HIPK1: variants seen among roughly 807,000 people sequenced by gnomAD.
HIPK1 encodes homeodomain-interacting protein kinase 1.
In HIPK1, 28 loss-of-function variants were observed where a neutral mutation model predicts 117.1. The ratio of observed to expected loss-of-function variants is 0.24; its 90% CI spans 0.18 to 0.33. HIPK1 has a LOEUF of 0.33. HIPK1 is among the 10% of genes least tolerant of loss of function. The probability of loss-of-function intolerance (pLI) is 1.00; values close to 1 mark genes in which losing one functional copy is unlikely to be tolerated. For synonymous variants in HIPK1, 605 were observed against 562.5 expected (o/e 1.08, Z -1.07); for missense variants, 1,122 against 1,475.1 (o/e 0.76, Z 3.92).
chr1:113,930,019 C>G, intron 1 of HIPK1: 1 of 985,096 alleles, frequency 1.0e-6, no homozygotes, highest in Non-Finnish European at 1.2e-6. Context: ...GGGCCGGCCG[C>G]CGGCTCTCCT....
rs1672986558 is a variant in HIPK1, at chr1:113,973,540, T to C, written c.*28T>C. 4 of 1,549,120 alleles carry C rather than the reference T, an allele frequency of 2.6e-6. No individual in the cohort carries two copies. Among genetic ancestry groups the C allele is most frequent in the East Asian group, 2.3e-5 (1 of 44,246 alleles). ...GGTGAGCATGAGGGAGGAGGAATCA[T>C]GGCTACCTTCTCCTGGCCCTGCGTT... On this transcript the variant is annotated 3_prime_UTR_variant, in exon 16 of 16. Transcript: ENST00000426820.
chr1:113,958,334 C>T, intron 8 of HIPK1, 43 bp downstream of exon 8: 1 of 1,363,336 alleles, frequency 7.3e-7, no homozygotes, highest in Non-Finnish European at 1.0e-6. Context: ...TGTATCAGAC[C>T]TACCTGCTTT....
In HIPK1 at chr1:113,966,118, G is replaced by T; in HGVS notation, c.2239-12G>T. The T allele has an allele frequency of 6.2e-7, 1 of 1,609,456 alleles. No homozygotes were observed. The highest frequency in any genetic ancestry group is 8.5e-7 in the Non-Finnish European group (1 of 1,178,400). On this transcript the variant is annotated splice_polypyrimidine_tract_variant and intron_variant, in intron 10 of 15. Transcript: ENST00000426820. ...TCAAGTCTGGATGTTTTTTATGTGT[G>T]TTTCCTTACAGCAGGCGTGGCCTGG...
At chr1:113,930,800 G>C (rs1433104849) in intron 1 of HIPK1, 1 of 152,270 alleles carries the variant, frequency 6.6e-6, no homozygotes, top group Non-Finnish European at 1.5e-5. Flanking sequence ...TACTTGGGGA[G>C]GGGGGTTCAG....
At chr1:113,932,417 G>A (rs956281768) in intron 1 of HIPK1, among the ~76,000 whole-genome samples, 4 of 142,054 alleles carry the variant, frequency 2.8e-5, no homozygotes, top group Non-Finnish European at 6.0e-5. Flanking sequence ...TCGCCCTGTC[G>A]CCCAGGTCGG....
chr1:113,945,528 C>T (rs1207168094), intron 2 of HIPK1, among the ~76,000 whole-genome samples: 1 of 152,144 alleles, frequency 6.6e-6, no homozygotes, highest in Non-Finnish European at 1.5e-5. Flanking sequence ...GGTACAAATC[C>T]AGTGTAATTC....
At chr1:113,938,927 A>ATACACACACACACAC (rs60152674) in intron 1 of HIPK1, among the ~76,000 whole-genome samples, 7 of 118,420 alleles carry the variant, frequency 5.9e-5, no homozygotes, top group Admixed American at 4.7e-4. Flanking sequence ...AAAAAAAAAA[A>ATACACACACACACAC]ATACACACAC....
In HIPK1 at chr1:113,973,105, CCT is replaced by C; in HGVS notation, c.3232_3233del (p.Ser1078ProfsTer72). The stretch of plus-strand genomic sequence containing the variant: ...CCGCAGGCAGCAGGCGTTTGTGGCC[CCT>C]CTCTCCCAAGCCCCCTACACCTTCC... ...APRRQQAFVAPLSQAPYTFQH... is the reference protein window; with the variant it reads ...APRRQQAFVAXLSQAPYTFQH... On this transcript the variant is annotated frameshift_variant, in exon 16 of 16. Coordinates refer to ENST00000426820, the MANE Select transcript of HIPK1 (RefSeq NM_198268.3). LOFTEE classifies it high-confidence loss of function. The C allele has an allele frequency of 6.4e-7, 1 of 1,553,798 alleles. No homozygotes were observed. Among genetic ancestry groups the C allele is most frequent in the South Asian group, 1.2e-5 (1 of 80,806 alleles).
intron 13 of HIPK1, among the ~76,000 whole-genome samples, chr1:113,969,080 G>A (rs939663694): frequency 6.6e-6 from 1 of 152,068 alleles, no homozygotes; most frequent in Non-Finnish European, 1.5e-5. Context: ...CATAGCCTTC[G>A]ATGGGGCTTT....
rs906629759 is a variant in HIPK1 at position 113,941,687 on chromosome 1, A to G, written c.1076+228A>G. Among the ~76,000 whole-genome samples the G allele has an allele frequency of 1.3e-5, 2 of 152,276 alleles. No homozygotes were observed. Among genetic ancestry groups the G allele is most frequent in the South Asian group, 2.1e-4 (1 of 4,818 alleles). ...ACTCAGTCTGATTCTGAAAGTTGTTACTAGTTGAATTATACTAGCACCTGG... is the reference window on the plus strand; with the variant it reads ...ACTCAGTCTGATTCTGAAAGTTGTTGCTAGTTGAATTATACTAGCACCTGG... On this transcript the variant is annotated intron_variant, in intron 2 of 15. Transcript: ENST00000426820. This position sits in a 1 kb window ranked among gnomAD's most constrained non-coding sequence, Gnocchi z 4.9.
intron 8 of HIPK1, among the ~76,000 whole-genome samples, chr1:113,959,807 A>G (rs1319481030): frequency 6.6e-6 from 1 of 152,198 alleles, no homozygotes; most frequent in African/African-American, 2.4e-5. Flanking sequence ...AATTAAGGTG[A>G]TGATGATGAT....
chr1:113,970,278 T>C, intron 14 of HIPK1, 81 bp downstream of exon 14: 3 of 1,473,826 alleles, frequency 2.0e-6, no homozygotes. Flanking sequence ...TCCACTTATA[T>C]CAGTGGTAGA....
chr1:113,964,937 A>G (rs1672351284), intron 10 of HIPK1, among the ~76,000 whole-genome samples: 1 of 152,194 alleles, frequency 6.6e-6, no homozygotes, highest in Non-Finnish European at 1.5e-5. Flanking sequence ...TTGGAATGTT[A>G]TTTCTTGCTT....
rs752552696 is a variant in HIPK1, at chr1:113,973,558, C to G, written c.*46C>G. On this transcript the variant is annotated 3_prime_UTR_variant, in exon 16 of 16. Transcript: ENST00000426820. ...GGAATCATGGCTACCTTCTCCTGGC[C>G]CTGCGTTCTTAATATTGGGCTATGG... is the stretch of plus-strand genomic sequence containing the variant. 4.6e-6 allele frequency: 7 copies of G among 1,534,512 alleles called. No individual in the cohort carries two copies. The African/African-American group carries it at 9.7e-5, about 21-fold the overall frequency.
At chr1:113,934,634 C>A (rs182270988) in intron 1 of HIPK1, among the ~76,000 whole-genome samples, 19 of 152,012 alleles carry the variant, frequency 1.2e-4, no homozygotes, top group African/African-American at 4.6e-4. Context: ...AGAGGCGCAG[C>A]ATTTTCAGGA....
intron 4 of HIPK1, 96 bp from the exon 5 acceptor site, chr1:113,955,467 G>A: frequency 4.1e-6 from 3 of 735,546 alleles, no homozygotes; most frequent in Non-Finnish European, 7.0e-6. Flanking sequence ...TTGGCAAGGT[G>A]ACCACACTTG....
In HIPK1 at chr1:113,973,564, T is replaced by G. The variant is rs1571741055; in HGVS notation, c.*52T>G. 1 of 1,531,648 alleles carries G rather than the reference T, an allele frequency of 6.5e-7. No homozygotes were observed. Among genetic ancestry groups the G allele is most frequent in the Non-Finnish European group, 8.8e-7 (1 of 1,137,508 alleles). The allele number at this position is 1,531,648 out of a possible 1,614,324, so 94.9% of individuals were successfully genotyped here. A position where few individuals can be genotyped will look rare whatever the true frequency, so the allele number is the denominator to read the frequency against. On this transcript the variant is annotated 3_prime_UTR_variant, in exon 16 of 16. Transcript: ENST00000426820. ...ATGGCTACCTTCTCCTGGCCCTGCG[T>G]TCTTAATATTGGGCTATGGAGAGAT...
intron 5 of HIPK1, among the ~76,000 whole-genome samples, chr1:113,955,966 A>G (rs973295443): frequency 1.3e-5 from 2 of 151,958 alleles, no homozygotes; most frequent in Admixed American, 1.3e-4. Flanking sequence ...CTATTATGTT[A>G]CGAACTCTGA....
chr1:113,955,628 T>C lies in HIPK1; in HGVS notation c.1386T>C (p.Asn462=). The C allele has an allele frequency of 6.2e-7, 1 of 1,602,302 alleles. No individual in the cohort carries two copies. The highest frequency in any genetic ancestry group is 8.5e-7 in the Non-Finnish European group (1 of 1,169,654). ...AAGAAGCTCGGAAGTACATTTTTAA[T>C]TGCTTAGATGACATGGCTCAGGTGA... ...KSKEARKYIF[N]CLDDMAQVNM... is the part of the protein sequence containing the mutation. The change falls in exon 5 of 16, where the codon AAT becomes AAC. Residue 462 remains asparagine, a synonymous_variant. Transcript: ENST00000426820.
Sources: gnomAD v4.1 joint callset for allele counts (sites outside exome capture counted in the v4.1 genomes callset) on GRCh38, gnomAD v4.1.1 for gene constraint, Gnocchi (gnomAD v3.1) non-coding constraint, MANE v1.5 for transcripts, NCBI Gene and HGNC (gene_info 2026-07-23, HGNC 2026-07-21) for gene names.